Variants in EVC observed in about 807,000 individuals in gnomAD.
The protein encoded by EVC is EvC ciliary complex subunit 1, also known as evC complex member EVC.
In EVC, 116 loss-of-function variants were observed where a neutral mutation model predicts 118.9. That is an observed-to-expected ratio of 0.98 (90% CI 0.84 to 1.14). The LOEUF is 1.14. Among genes scored for constraint, EVC ranks in the 50% most tolerant of loss-of-function variants. The probability of loss-of-function intolerance (pLI) is 0.00; values close to 1 mark genes in which losing one functional copy is unlikely to be tolerated. For missense variants in EVC, 1,401 were observed against 1,246.4 expected (o/e 1.12, Z -1.87); for synonymous variants, 619 against 534.7 (o/e 1.16, Z -2.18).
intron 2 of EVC, among the ~76,000 whole-genome samples, chr4:5,725,346 TA>T (rs1725641341): frequency 6.6e-6 from 1 of 152,220 alleles, no homozygotes; most frequent in Non-Finnish European, 1.5e-5. Context: ...ACCAACAGTG[TA>T]AAAGTTTTCC....
chr4:5,797,164 C>T lies in EVC; in HGVS notation c.2029C>T (p.Gln677Ter). Reference protein sequence around the residue: ...KKHLLQELREQRALEQGSSQC... With the variant: ...KKHLLQELRE ...GCACCTCCTGCAGGAGCTGCGGGAA[C>T]AGCGTGCACTGGAGCAGGGGTCCTC... The change falls in exon 14 of 21, where the codon CAG (glutamine) becomes TAG (stop). Residue 677 changes from glutamine (Q) to a stop codon, truncating the protein, a stop_gained. Coordinates refer to ENST00000264956, the MANE Select transcript of EVC (RefSeq NM_153717.3). LOFTEE classifies it high-confidence loss of function. 6.2e-7 allele frequency: 1 copy of T among 1,613,574 alleles called. No individual in the cohort carries two copies. The highest frequency in any genetic ancestry group is 1.3e-5 in the African/African-American group (1 of 75,074).
rs1233484492 is a variant in EVC at position 5,743,880 on chromosome 4, G to A, written c.802-1324G>A. On this transcript the variant is annotated intron_variant, in intron 6 of 20. Transcript: ENST00000264956. The surrounding 1 kb of genome is among the most constrained non-coding windows in gnomAD (Gnocchi z 4.7). ...CATAAGTTCAAATGACTTTCCAATGGCAAAAATGATAATGATGATGATGAC... is the reference window on the plus strand; with the variant it reads ...CATAAGTTCAAATGACTTTCCAATGACAAAAATGATAATGATGATGATGAC... Among the ~76,000 whole-genome samples, 1 of 152,088 alleles carries A rather than the reference G, an allele frequency of 6.6e-6. No homozygotes were observed. Among genetic ancestry groups the A allele is most frequent in the Non-Finnish European group, 1.5e-5 (1 of 68,020 alleles).
At chr4:5,803,257 G>C (rs1181508734) in intron 16 of EVC, among the ~76,000 whole-genome samples, 1 of 152,224 alleles carries the variant, frequency 6.6e-6, no homozygotes, top group Admixed American at 6.5e-5. Context: ...CCAAGGACTG[G>C]AATTGGAATC....
chr4:5,718,234 A>G (rs1724313926), intron 1 of EVC, among the ~76,000 whole-genome samples: 1 of 152,092 alleles, frequency 6.6e-6, no homozygotes, highest in Admixed American at 6.6e-5. Context: ...GGTTCCTACA[A>G]GCCTCTGGTC....
Position 5,719,543 on chromosome 4 carries a change from A to G in EVC, c.300+170A>G, listed in dbSNP as rs1724590927. 6.6e-6 allele frequency among the ~76,000 whole-genome samples: 1 copy of G among 152,196 alleles called. No homozygotes were observed. Among genetic ancestry groups the G allele is most frequent in the African/African-American group, 2.4e-5 (1 of 41,442 alleles). On this transcript the variant is annotated intron_variant, in intron 2 of 20. Coordinates refer to ENST00000264956, the MANE Select transcript of EVC (RefSeq NM_153717.3). This position sits in a 1 kb window ranked among gnomAD's most constrained non-coding sequence, Gnocchi z 4.7. ...CAAATGCGCAGACTTTAGGTTTTAC[A>G]GTTTGATGAGTTTTGACAATTGCAT...
Position 5,742,901 on chromosome 4 carries a change from C to T in EVC, c.801+1087C>T, listed in dbSNP as rs1307663811. On this transcript the variant is annotated intron_variant, in intron 6 of 20. Coordinates refer to ENST00000264956, the MANE Select transcript of EVC (RefSeq NM_153717.3). This position sits in a 1 kb window ranked among gnomAD's most constrained non-coding sequence, Gnocchi z 5.2. ...AGTGTTTTAGTGAATGGTGCCACTC[C>T]TTGCGGAGCAGGGCTAACCCGTAGG... 6.6e-6 allele frequency among the ~76,000 whole-genome samples: 1 copy of T among 152,216 alleles called. No individual in the cohort carries two copies. Among genetic ancestry groups the T allele is most frequent in the African/African-American group, 2.4e-5 (1 of 41,456 alleles).
At chr4:5,826,917 CCT>C in the EVC span, 1 of 152,956 alleles carries the variant, frequency 6.5e-6, no homozygotes, top group Non-Finnish European at 1.5e-5. Flanking sequence ...ACGGCCCTCC[CCT>C]CTGTCCCTGG....
At chr4:5,827,294 C>T in the EVC span, among the ~76,000 whole-genome samples, 3 of 152,184 alleles carry the variant, frequency 2.0e-5, no homozygotes, top group African/African-American at 7.2e-5. Context: ...TTCCATGAGT[C>T]CCCTTGTCCT....
intron 5 of EVC, among the ~76,000 whole-genome samples, chr4:5,735,588 C>T (rs1244634399): frequency 3.3e-5 from 5 of 152,168 alleles, no homozygotes; most frequent in South Asian, 2.1e-4. Context: ...TTATTCTGCA[C>T]GTACACTCTG....
intron 8 of EVC, among the ~76,000 whole-genome samples, chr4:5,751,912 C>G (rs1213863883): frequency 6.6e-6 from 1 of 152,182 alleles, no homozygotes; most frequent in Non-Finnish European, 1.5e-5. Flanking sequence ...GGACAGGGCC[C>G]CACAGAACTT....
intron 12 of EVC, among the ~76,000 whole-genome samples, chr4:5,787,672 G>C (rs1186005923): frequency 6.6e-6 from 1 of 152,162 alleles, no homozygotes; most frequent in African/African-American, 2.4e-5. Context: ...AAGTGTTATA[G>C]CAGCCACAGG....
At chr4:5,774,389 T>A (rs945137547) in intron 11 of EVC, among the ~76,000 whole-genome samples, 3 of 152,036 alleles carry the variant, frequency 2.0e-5, no homozygotes, top group Non-Finnish European at 4.4e-5. Context: ...TATCTAATGA[T>A]ACTAGCTAGC....
At chr4:5,773,960 C>G (rs941970397) in intron 11 of EVC, among the ~76,000 whole-genome samples, 2 of 152,080 alleles carry the variant, frequency 1.3e-5, no homozygotes, top group Non-Finnish European at 2.9e-5. Flanking sequence ...CAGACCATGT[C>G]CAGGGAATCC....
chr4:5,748,292 G>A lies in EVC; in HGVS notation c.1084G>A (p.Glu362Lys). The A allele has an allele frequency of 1.4e-5, 23 of 1,614,108 alleles. No homozygotes were observed. Among genetic ancestry groups the A allele is most frequent in the Non-Finnish European group, 1.9e-5 (22 of 1,180,014 alleles). ...AAEGLLCDSQELQALDALERT... is the reference protein window; with the variant it reads ...AAEGLLCDSQKLQALDALERT... Reference sequence around the variant, plus strand: ...CGAAGGGCTATTGTGCGATTCTCAGGAGCTGCAGGCTCTGGTAATGCTGGA... The same window carrying A: ...CGAAGGGCTATTGTGCGATTCTCAGAAGCTGCAGGCTCTGGTAATGCTGGA... The change falls in exon 8 of 21, where the codon GAG becomes AAG. Residue 362 changes from glutamate to lysine, a missense_variant. Physicochemically the swap from Glu to Lys is moderately conservative, Grantham distance 56. Coordinates refer to ENST00000264956, the MANE Select transcript of EVC (RefSeq NM_153717.3).
chr4:5,752,878 G>C lies in EVC; in HGVS notation c.1141G>C (p.Val381Leu). Residue 381 changes from valine to leucine, a missense_variant, in exon 9 of 21, where the codon GTG becomes CTG. Val to Leu is a conservative substitution (Grantham distance 32, BLOSUM62 1). Coordinates refer to ENST00000264956, the MANE Select transcript of EVC (RefSeq NM_153717.3). ...RTMGRAHMAKVIEFLKLQVQE... is the reference protein window; with the variant it reads ...RTMGRAHMAKLIEFLKLQVQE... ...GATGGGGCGGGCGCACATGGCAAAA[G>C]TGATTGAGTTTCTGAAGCTGCAAGT... 7 of 1,614,230 alleles carry C rather than the reference G, an allele frequency of 4.3e-6. No homozygotes were observed. Among genetic ancestry groups the C allele is most frequent in the Non-Finnish European group, 5.9e-6 (7 of 1,180,034 alleles).
intron 12 of EVC, among the ~76,000 whole-genome samples, chr4:5,785,497 C>G (rs1015077527): frequency 1.3e-5 from 2 of 152,188 alleles, no homozygotes; most frequent in Non-Finnish European, 2.9e-5. Context: ...TAGAGGAGAG[C>G]GTTATGCAAA....
chr4:5,714,378 G>T (rs1264777022), intron 1 of EVC, among the ~76,000 whole-genome samples: 3 of 152,176 alleles, frequency 2.0e-5, no homozygotes, highest in Admixed American at 6.5e-5. Flanking sequence ...TTCAAAAGGA[G>T]CAATAGCCCC....
At chr4:5,778,158 G>T (rs1456839622) in intron 11 of EVC, among the ~76,000 whole-genome samples, 8 of 151,514 alleles carry the variant, frequency 5.3e-5, no homozygotes. Flanking sequence ...TCCCTACAAA[G>T]GACATGAACT....
At chr4:5,820,833 A>G in the EVC span, 1 of 152,246 alleles carries the variant, frequency 6.6e-6, no homozygotes, top group African/African-American at 2.4e-5. Flanking sequence ...GAATTCAGAA[A>G]TAAGAGCCAC....
Sources: allele counts gnomAD v4.1 joint callset (sites outside exome capture counted in the v4.1 genomes callset), GRCh38; gene constraint gnomAD v4.1.1; non-coding constraint Gnocchi (gnomAD v3.1); transcripts MANE v1.5; gene names NCBI Gene and HGNC (gene_info 2026-07-23, HGNC 2026-07-21).